The following ROBO1 variants were observed in gnomAD, a reference collection of about 807,000 sequenced individuals.
ROBO1 encodes the protein roundabout homolog 1.
ROBO1 carries 149 observed loss-of-function variants against 195.9 expected under a neutral mutation model. The observed-to-expected ratio is 0.76, with a 90% CI of 0.67 to 0.87. The LOEUF (loss-of-function observed/expected upper bound fraction) is 0.87, where lower values mean the gene tolerates loss of function less well. Among genes scored for constraint, ROBO1 ranks in the 40% least tolerant of loss-of-function variants. The probability of loss-of-function intolerance (pLI) is 0.00; values close to 1 mark genes in which losing one functional copy is unlikely to be tolerated. For missense variants in ROBO1, 1,933 were observed against 2,068.3 expected, an observed-to-expected ratio of 0.93 and a Z score of 1.27; for synonymous variants, 816 against 733.2, an observed-to-expected ratio of 1.11 and a Z score of -1.82.
At chr3:79,354,911 TAATCCCAACACTTTGG>T (rs1190360875) in intron 2 of ROBO1, among the ~76,000 whole-genome samples, 4 of 152,222 alleles carry the variant, frequency 2.6e-5, no homozygotes, top group African/African-American at 9.6e-5. Context: ...CTCACGCCTG[TAATCCCAACACTTTGG>T]GAGGCCAAGG....
In ROBO1 at chr3:79,667,966, C is replaced by A. The variant is rs371651170; in HGVS notation, c.-50-78005G>T. Among the ~76,000 whole-genome samples the A allele has an allele frequency of 2.3e-4, 35 of 151,808 alleles. No homozygotes were observed. In the East Asian group the frequency reaches 2.5e-3, roughly 11 times the overall value. ...TGCTTTAGGAATTAAGACATACTGC[C>A]TTTTAGTCCTTGTAGCTCTCAATTA... is the stretch of plus-strand genomic sequence containing the variant. On this transcript the variant is annotated intron_variant, in intron 1 of 30. Coordinates refer to ENST00000464233, the MANE Select transcript of ROBO1 (RefSeq NM_002941.4).
At chr3:78,852,843 C>T (rs889951866) in intron 4 of ROBO1, among the ~76,000 whole-genome samples, 5 of 152,108 alleles carry the variant, frequency 3.3e-5, no homozygotes, top group African/African-American at 1.2e-4. Flanking sequence ...TAGGCAAAGG[C>T]ACCAGCTAAG....
chr3:79,575,362 TATAACAAATATATATAAATATAG>T (rs1280698404), intron 2 of ROBO1, among the ~76,000 whole-genome samples: 28 of 127,074 alleles, frequency 2.2e-4, no homozygotes, highest in South Asian at 9.0e-4. Context: ...TAAATATGTA[TATAACAAATATATATAAATATAG>T]ATAACAAATA....
At chr3:79,396,382 A>T (rs1229470686) in intron 2 of ROBO1, among the ~76,000 whole-genome samples, 1 of 152,070 alleles carries the variant, frequency 6.6e-6, no homozygotes, top group African/African-American at 2.4e-5. Flanking sequence ...TGACATTGGG[A>T]AGTATAAGTT....
At chr3:79,268,750 G>A (rs1408801400) in intron 2 of ROBO1, among the ~76,000 whole-genome samples, 1 of 151,606 alleles carries the variant, frequency 6.6e-6, no homozygotes, top group Non-Finnish European at 1.5e-5. Context: ...GTGTTTGACT[G>A]ACATAACCTG....
chr3:78,795,838 A>G (rs1188673702), intron 4 of ROBO1, among the ~76,000 whole-genome samples: 1 of 151,702 alleles, frequency 6.6e-6, no homozygotes, highest in Admixed American at 6.6e-5. Flanking sequence ...GAAATACCCT[A>G]AGGAACTGGG....
At chr3:79,510,285 T>C (rs1298585516) in intron 2 of ROBO1, among the ~76,000 whole-genome samples, 2 of 152,120 alleles carry the variant, frequency 1.3e-5, no homozygotes, top group Non-Finnish European at 2.9e-5. Context: ...GATCTGATGG[T>C]ATTATGAGGG....
chr3:78,876,137 A>G (rs1451387925), intron 4 of ROBO1, among the ~76,000 whole-genome samples: 1 of 152,136 alleles, frequency 6.6e-6, no homozygotes, highest in Non-Finnish European at 1.5e-5. Context: ...ATCTTCAAGG[A>G]TGAATGATGT....
At chr3:78,876,235 A>C (rs2035839232) in intron 4 of ROBO1, among the ~76,000 whole-genome samples, 1 of 152,146 alleles carries the variant, frequency 6.6e-6, no homozygotes, top group Admixed American at 6.6e-5. Context: ...AAGAAAGATA[A>C]ATTTTATAGC....
At position 79,482,073 on chromosome 3, in the gene ROBO1, T is replaced by G. The variant is rs148750697; in HGVS notation, c.88+107751A>C. On this transcript the variant is annotated intron_variant, in intron 2 of 30. Coordinates refer to ENST00000464233, the MANE Select transcript of ROBO1 (RefSeq NM_002941.4). ...TGGGAATTATTCATACATTCATTTA[T>G]TCAAATATGTATTATATTTACGTCT... Among the ~76,000 whole-genome samples, 875 of 152,308 alleles carry G rather than the reference T, an allele frequency of 5.7e-3. 21 individuals are homozygous for G. Among genetic ancestry groups the G allele is most frequent in the Admixed American group, 0.053 (808 of 15,280 alleles).
chr3:79,606,311 A>G (rs1306654411), intron 1 of ROBO1, among the ~76,000 whole-genome samples: 1 of 151,966 alleles, frequency 6.6e-6, no homozygotes, highest in East Asian at 1.9e-4. Context: ...CATTCATGAA[A>G]TAGTCTCTTT....
intron 2 of ROBO1, among the ~76,000 whole-genome samples, chr3:79,243,366 T>C (rs374993550): frequency 1.3e-5 from 2 of 151,948 alleles, no homozygotes; most frequent in Non-Finnish European, 2.9e-5. Context: ...GGATGGCTGG[T>C]TCAAATGGTA....
At chr3:78,928,265 A>C (rs1019486777) in intron 4 of ROBO1, among the ~76,000 whole-genome samples, 2 of 152,196 alleles carry the variant, frequency 1.3e-5, no homozygotes, top group African/African-American at 2.4e-5. Context: ...GAGTCATTGG[A>C]TAGGGTTAAG....
intron 1 of ROBO1, among the ~76,000 whole-genome samples, chr3:79,610,845 A>T (rs1944635405): frequency 6.6e-6 from 1 of 152,114 alleles, no homozygotes; most frequent in Non-Finnish European, 1.5e-5. Context: ...CGGAATTGTA[A>T]CACAGGTATC....
chr3:79,331,987 C>G (rs1559823695), intron 2 of ROBO1, among the ~76,000 whole-genome samples: 1 of 151,584 alleles, frequency 6.6e-6, no homozygotes, highest in East Asian at 1.9e-4. Flanking sequence ...CTAAAAAATA[C>G]AAAAAATTAG....
intron 4 of ROBO1, among the ~76,000 whole-genome samples, chr3:78,765,866 C>G (rs2083218182): frequency 6.6e-6 from 1 of 152,098 alleles, no homozygotes; most frequent in Admixed American, 6.6e-5. Context: ...AGATAGTAAG[C>G]CAATCTTGCT....
intron 3 of ROBO1, among the ~76,000 whole-genome samples, chr3:78,969,896 C>T (rs1199038520): frequency 6.6e-6 from 1 of 152,050 alleles, no homozygotes; most frequent in Non-Finnish European, 1.5e-5. Flanking sequence ...TTGCTAAATA[C>T]TCAGTGAGTT....
intron 4 of ROBO1, among the ~76,000 whole-genome samples, chr3:78,914,349 C>A (rs375980993): frequency 1.1e-4 from 17 of 151,980 alleles, no homozygotes; most frequent in Non-Finnish European, 2.5e-4. Context: ...GAGAAACATA[C>A]GCAAATTCAA....
At position 78,994,401 on chromosome 3, in the gene ROBO1, C is replaced by T. The variant is rs112838105; in HGVS notation, c.173-55474G>A. ...GGCAATTTTCTCCTCTAAATGTGCG[C>T]TACCATATTTTATGGAGGTAAACCA... is the stretch of plus-strand genomic sequence containing the variant. On this transcript the variant is annotated intron_variant, in intron 3 of 30. Coordinates refer to ENST00000464233, the MANE Select transcript of ROBO1 (RefSeq NM_002941.4). Among the ~76,000 whole-genome samples the T allele has an allele frequency of 9.2e-5, 14 of 152,214 alleles. 2 individuals are homozygous for T. Among genetic ancestry groups the T allele is most frequent in the African/African-American group, 3.4e-4 (14 of 41,532 alleles).
Sources: allele counts gnomAD v4.1 joint callset (sites outside exome capture counted in the v4.1 genomes callset), GRCh38; gene constraint gnomAD v4.1.1; transcripts MANE v1.5; gene names NCBI Gene and HGNC (gene_info 2026-07-23, HGNC 2026-07-21).